NTSR2: variants seen among roughly 807,000 people sequenced by gnomAD.
The protein encoded by NTSR2 is neurotensin receptor 2.
In NTSR2, 22 loss-of-function variants were observed where a neutral mutation model predicts 24.1. The ratio of observed to expected loss-of-function variants is 0.91; its 90% CI spans 0.65 to 1.30. NTSR2 has a LOEUF of 1.30. Among genes scored for constraint, NTSR2 ranks in the 50% most tolerant of loss-of-function variants. The pLI is 0.00. For missense variants in NTSR2, 570 were observed against 570.4 expected (o/e 1.00, Z 0.01); for synonymous variants, 291 against 267.0 (o/e 1.09, Z -0.88).
chr2:11,665,068 T>C (rs12473167), intron 1 of NTSR2, among the ~76,000 whole-genome samples: 13 of 76,664 alleles, frequency 1.7e-4, no homozygotes, highest in African/African-American at 4.1e-4. Flanking sequence ...TTTTTTTTTT[T>C]TTTTTTTTTT....
rs1053381928 is a variant in NTSR2 at position 11,669,437 on chromosome 2, G to A, written c.624+69C>T. ...CGAAAATGTCTGTTCCCCGGGGAGA[G>A]GGGGTTCCCTCCTCCCAGCACCGCC... On this transcript the variant is annotated intron_variant, in intron 1 of 3. Coordinates refer to ENST00000306928, the MANE Select transcript of NTSR2 (RefSeq NM_012344.4). 13 of 924,212 alleles carry A rather than the reference G, an allele frequency of 1.4e-5. No individual in the cohort carries two copies. The African/African-American group carries it at 2.1e-4, about 15-fold the overall frequency. The allele number at this position is 924,212 out of a possible 1,614,324, so 57.3% of individuals were successfully genotyped here. A position where few individuals can be genotyped will look rare whatever the true frequency, so the allele number is the denominator to read the frequency against.
chr2:11,660,501 C>T (rs896854677), intron 2 of NTSR2, among the ~76,000 whole-genome samples: 1 of 152,192 alleles, frequency 6.6e-6, no homozygotes, highest in Admixed American at 6.5e-5. Flanking sequence ...CACGGTGGCT[C>T]ATGCCTGTAA....
In NTSR2 at chr2:11,669,505, C is replaced by G; in HGVS notation, c.624+1G>C. ...CCGACTCCCGCTCTCCACGCCCTTA[C>G]CTGGATAAAGACTTGGAGCGCGGTG... On this transcript the variant is annotated splice_donor_variant, in intron 1 of 3. Coordinates refer to ENST00000306928, the MANE Select transcript of NTSR2 (RefSeq NM_012344.4). LOFTEE classifies it high-confidence loss of function. 1 of 1,409,372 alleles carries G rather than the reference C, an allele frequency of 7.1e-7. No individual in the cohort carries two copies. The highest frequency in any genetic ancestry group is 2.7e-5 in the Admixed American group (1 of 37,208). 87.3% of individuals were successfully genotyped at this position (1,409,372 alleles called of 1,614,324 possible). A position where few individuals can be genotyped will look rare whatever the true frequency, so the allele number is the denominator to read the frequency against.
Position 11,658,443 on chromosome 2 carries a change from G to C in NTSR2, c.*36C>G. On this transcript the variant is annotated 3_prime_UTR_variant, in exon 4 of 4. Coordinates refer to ENST00000306928, the MANE Select transcript of NTSR2 (RefSeq NM_012344.4). ...GCTTTGCCAGGTGACTAAGCAGCTG[G>C]TCATTTTGCTTGTTCTGTTCATTCT... is the stretch of plus-strand genomic sequence containing the variant. 5 of 1,542,492 alleles carry C rather than the reference G, an allele frequency of 3.2e-6. No homozygotes were observed. The highest frequency in any genetic ancestry group is 4.4e-6 in the Non-Finnish European group (5 of 1,145,192).
rs1430754595 is a variant in NTSR2, at chr2:11,658,509, G to C, written c.1203C>G (p.Gly401=). Residue 401 remains glycine, a synonymous_variant, in exon 4 of 4, where the codon GGC becomes GGG. Coordinates refer to ENST00000306928, the MANE Select transcript of NTSR2 (RefSeq NM_012344.4). ...QSPTLMDTAS[G]FGDPPETRT is the part of the protein sequence containing the mutation. ...TCCGGGTTTCTGGGGGATCCCCAAAGCCTGAAGCTGTATCCATTAGGGTGG... is the reference window on the plus strand; with the variant it reads ...TCCGGGTTTCTGGGGGATCCCCAAACCCTGAAGCTGTATCCATTAGGGTGG... 2.5e-6 allele frequency: 4 copies of C among 1,611,792 alleles called. No individual in the cohort carries two copies. The East Asian group carries it at 8.9e-5, about 36-fold the overall frequency.
chr2:11,666,614 G>C (rs1661206418), intron 1 of NTSR2, among the ~76,000 whole-genome samples: 1 of 152,120 alleles, frequency 6.6e-6, no homozygotes, highest in Non-Finnish European at 1.5e-5. Flanking sequence ...CAGGAGAATC[G>C]CTTGAACCCA....
rs983129492 is a variant in NTSR2, at chr2:11,663,225, T to C, written c.625-985A>G. 2.0e-5 allele frequency among the ~76,000 whole-genome samples: 3 copies of C among 152,226 alleles called. No homozygotes were observed. The South Asian group carries it at 6.2e-4, about 32-fold the overall frequency. On this transcript the variant is annotated intron_variant, in intron 1 of 3. Coordinates refer to ENST00000306928, the MANE Select transcript of NTSR2 (RefSeq NM_012344.4). ...AGAACATGTTCTAGACAAATAAGGTTATAAGCCAATAAAGAGGAAGACCTG... is the reference window on the plus strand; with the variant it reads ...AGAACATGTTCTAGACAAATAAGGTCATAAGCCAATAAAGAGGAAGACCTG...
At position 11,668,469 on chromosome 2, in the gene NTSR2, C is replaced by T. The variant is rs116808760; in HGVS notation, c.624+1037G>A. 3.2e-3 allele frequency among the ~76,000 whole-genome samples: 491 copies of T among 152,270 alleles called. 2 individuals carry two copies. Among genetic ancestry groups the T allele is most frequent in the African/African-American group, 0.011 (474 of 41,550 alleles). ...AAGCCGCTTAGGAGACTGCTTAGGA[C>T]GAGTCCCCTAAGCAGCCTCTGCACC... On this transcript the variant is annotated intron_variant, in intron 1 of 3. Coordinates refer to ENST00000306928, the MANE Select transcript of NTSR2 (RefSeq NM_012344.4).
intron 1 of NTSR2, 42 bp downstream of exon 1, chr2:11,669,464 C>CGGGGGGGGGGGGGGG: frequency 6.3e-6 from 1 of 159,496 alleles, no homozygotes; most frequent in Non-Finnish European, 1.3e-5. Flanking sequence ...AGCACCGCCC[C>CGGGGGGGGGGGGGGG]CCCACCCCCC....
In NTSR2 at chr2:11,670,065, CG is replaced by C; in HGVS notation, c.64del (p.Arg22GlyfsTer37). ...SSNPGLSLDA[R>X]LGVDTRLWAK... The stretch of plus-strand genomic sequence containing the variant: ...CCAGAGGCGAGTGTCCACGCCCAGC[CG>C]GGCGTCCAGGCTCAGCCCCGGGTTG... On this transcript the variant is annotated frameshift_variant, in exon 1 of 4. Coordinates refer to ENST00000306928, the MANE Select transcript of NTSR2 (RefSeq NM_012344.4). LOFTEE classifies it high-confidence loss of function. The C allele has an allele frequency of 6.8e-7, 1 of 1,466,926 alleles. No homozygotes were observed. 90.9% of individuals were successfully genotyped at this position (1,466,926 alleles called of 1,614,324 possible). A position where few individuals can be genotyped will look rare whatever the true frequency, so the allele number is the denominator to read the frequency against.
At chr2:11,660,973 C>T (rs547180864) in intron 2 of NTSR2, among the ~76,000 whole-genome samples, 4 of 152,164 alleles carry the variant, frequency 2.6e-5, no homozygotes, top group Non-Finnish European at 5.9e-5. Context: ...GAGACTCTTA[C>T]CGCCTCTGTA....
In NTSR2 at chr2:11,658,603, A is replaced by G; in HGVS notation, c.1109T>C (p.Leu370Pro). ...TCCACACAGGGAGCTGACGGCTTCC[A>G]GGAAGAGTTTTCTGAAGGAGGAGGA... ...AVSSSFRKLF[L>P]EAVSSLCGEH... The change falls in exon 4 of 4, where the codon CTG becomes CCG. Residue 370 changes from leucine to proline, a missense_variant. Leu to Pro is a moderately conservative substitution (Grantham distance 98). Transcript: ENST00000306928. The G allele has an allele frequency of 6.2e-7, 1 of 1,614,226 alleles. No homozygotes were observed. The highest frequency in any genetic ancestry group is 8.5e-7 in the Non-Finnish European group (1 of 1,180,042).
chr2:11,666,169 A>G lies in NTSR2; in HGVS notation c.624+3337T>C, dbSNP rs181290543. 3.3e-4 allele frequency among the ~76,000 whole-genome samples: 51 copies of G among 152,294 alleles called. 1 individual carries two copies. Among genetic ancestry groups the G allele is most frequent in the African/African-American group, 4.3e-4 (18 of 41,566 alleles). The stretch of plus-strand genomic sequence containing the variant: ...GTGGGGAGACCTGGGAAGATCTCCC[A>G]GGCAAAGAGAGCAGAGAGATGAGGT... On this transcript the variant is annotated intron_variant, in intron 1 of 3. Coordinates refer to ENST00000306928, the MANE Select transcript of NTSR2 (RefSeq NM_012344.4).
At chr2:11,665,727 T>A (rs1472531754) in intron 1 of NTSR2, 1 of 152,250 alleles carries the variant, frequency 6.6e-6, no homozygotes, top group Non-Finnish European at 1.5e-5. Flanking sequence ...TTAGTAGCTC[T>A]GCACCACTAG....
chr2:11,664,902 T>C (rs145131306), intron 1 of NTSR2, among the ~76,000 whole-genome samples: 3 of 152,198 alleles, frequency 2.0e-5, no homozygotes, highest in East Asian at 1.9e-4. Context: ...TATGTTTCAA[T>C]TGAAACATTT....
chr2:11,661,141 C>T (rs917063935), intron 2 of NTSR2, among the ~76,000 whole-genome samples: 2 of 152,172 alleles, frequency 1.3e-5, no homozygotes, highest in African/African-American at 2.4e-5. Flanking sequence ...TTGGGCCCCG[C>T]GGCTTGCATT....
In NTSR2 at chr2:11,662,070, G is replaced by A. The variant is rs988885041; in HGVS notation, c.795C>T (p.Phe265=). 1 of 1,613,692 alleles carries A rather than the reference G, an allele frequency of 6.2e-7. No homozygotes were observed. The highest frequency in any genetic ancestry group is 1.7e-4 in the Middle Eastern group (1 of 6,060). ...ELLSEEGLLS[F]IVWKKTFIQG... ...GGATAAAGGTCTTCTTCCATACGAT[G>A]AAGCTGAGGAGACCCTCCTCACTCA... The change falls in exon 2 of 4, where the codon TTC becomes TTT. Residue 265 remains phenylalanine, a synonymous_variant. Transcript: ENST00000306928.
At chr2:11,664,451 A>G (rs181797287) in intron 1 of NTSR2, among the ~76,000 whole-genome samples, 81 of 152,314 alleles carry the variant, frequency 5.3e-4, no homozygotes, top group Non-Finnish European at 8.8e-5. Context: ...CTTTAAAATC[A>G]GTATGAACTA....
At position 11,669,934 on chromosome 2, in the gene NTSR2, C is replaced by G. The variant is rs987577095; in HGVS notation, c.196G>C (p.Gly66Arg). 16 of 1,523,190 alleles carry G rather than the reference C, an allele frequency of 1.1e-5. No individual in the cohort carries two copies. Among genetic ancestry groups the G allele is most frequent in the Admixed American group, 4.2e-5 (2 of 47,522 alleles). 94.4% of individuals were successfully genotyped at this position (1,523,190 alleles called of 1,614,324 possible). Residue 66 changes from glycine to arginine, a missense_variant, in exon 1 of 4, where the codon GGG becomes CGG. Gly to Arg is a moderately radical substitution (Grantham distance 125). Transcript: ENST00000306928. The part of the protein sequence containing the change: ...VVLKARAGRA[G>R]RLRHHVLSLA... Reference sequence around the variant, plus strand: ...CTGAGCACGTGGTGGCGCAGGCGCCCCGCGCGCCCGGCCCGCGCCTTCAGC... The same window carrying G: ...CTGAGCACGTGGTGGCGCAGGCGCCGCGCGCGCCCGGCCCGCGCCTTCAGC...
Sources: allele counts gnomAD v4.1 joint callset (sites outside exome capture counted in the v4.1 genomes callset), GRCh38; gene constraint gnomAD v4.1.1; transcripts MANE v1.5; gene names NCBI Gene and HGNC (gene_info 2026-07-23, HGNC 2026-07-21).